Variants in NPAT observed in about 807,000 individuals in gnomAD.
NPAT encodes nuclear protein, coactivator of histone transcription, also known as protein NPAT.
In NPAT, 52 loss-of-function variants were observed where a neutral mutation model predicts 130.7. The ratio of observed to expected loss-of-function variants is 0.40; its 90% CI spans 0.32 to 0.50. NPAT has a LOEUF of 0.50. NPAT is among the 20% of genes least tolerant of loss of function. The pLI is 0.68. For missense variants in NPAT, 1,687 were observed against 1,662.6 expected (o/e 1.01, Z -0.26); for synonymous variants, 580 against 584.8 (o/e 0.99, Z 0.12).
intron 1 of NPAT, among the ~76,000 whole-genome samples, chr11:108,207,239 T>C (rs1167648569): frequency 1.3e-5 from 2 of 152,192 alleles, no homozygotes; most frequent in African/African-American, 4.8e-5. Context: ...TGGGAGTAAG[T>C]ATGTGCTGAT....
In NPAT at chr11:108,177,343, A is replaced by T. The variant is rs546176773; in HGVS notation, c.907-253T>A. 7.2e-5 allele frequency among the ~76,000 whole-genome samples: 11 copies of T among 151,876 alleles called. No homozygotes were observed. In the South Asian group the frequency reaches 2.3e-3, roughly 32 times the overall value. Reference sequence around the variant, plus strand: ...TATTTTATTATTATTATTATTTTTGATAGAGATGGGGTTGCTACCTTGCCC... The same window carrying T: ...TATTTTATTATTATTATTATTTTTGTTAGAGATGGGGTTGCTACCTTGCCC... On this transcript the variant is annotated intron_variant, in intron 10 of 17. Transcript: ENST00000278612.
intron 1 of NPAT, among the ~76,000 whole-genome samples, chr11:108,203,865 A>AT (rs1409151586): frequency 9.2e-5 from 14 of 152,204 alleles, no homozygotes; most frequent in African/African-American, 3.1e-4. Context: ...TTGGGACTAC[A>AT]TTTTTCCCTT....
chr11:108,219,754 A>T, intron 1 of NPAT, among the ~76,000 whole-genome samples: 1 of 152,172 alleles, frequency 6.6e-6, no homozygotes. Flanking sequence ...CAACAACAAC[A>T]ACAACAAACT....
intron 1 of NPAT, among the ~76,000 whole-genome samples, chr11:108,216,457 T>C (rs2078436518): frequency 6.6e-6 from 1 of 151,192 alleles, no homozygotes; most frequent in Non-Finnish European, 1.5e-5. Flanking sequence ...TATAAACATA[T>C]ACAATATATT....
chr11:108,209,298 A>AAAAT (rs1037260114), intron 1 of NPAT, among the ~76,000 whole-genome samples: 2 of 152,018 alleles, frequency 1.3e-5, no homozygotes, highest in African/African-American at 4.8e-5. Flanking sequence ...ATAACTAAAT[A>AAAAT]AAATAAATAA....
intron 17 of NPAT, 101 bp downstream of exon 17, chr11:108,160,779 A>G: frequency 9.6e-7 from 1 of 1,043,746 alleles, no homozygotes; most frequent in South Asian, 1.4e-5. Context: ...TGTCTTAGCC[A>G]TAACGTTCAG....
rs781364921 is a variant in NPAT, at chr11:108,161,041, C to G, written c.4045G>C (p.Ala1349Pro). 6.2e-7 allele frequency: 1 copy of G among 1,614,102 alleles called. No individual in the cohort carries two copies. The highest frequency in any genetic ancestry group is 8.5e-7 in the Non-Finnish European group (1 of 1,180,010). ...SRAAISRTTS[A>P]TPLKDNTQQF... ...TGTGTGTTATCTTTCAGAGGAGTTG[C>G]TGAAGTAGTCCTAGAAATGGCTGCC... Residue 1349 changes from alanine to proline, a missense_variant, in exon 17 of 18, where the codon GCA becomes CCA. Around this residue, in one of 3 missense-constraint regions of NPAT, gnomAD observed 1,379 missense variants for 1,346.6 expected, o/e 1.02. Coordinates refer to ENST00000278612, the MANE Select transcript of NPAT (RefSeq NM_002519.3).
chr11:108,204,468 T>C (rs997837612), intron 1 of NPAT, among the ~76,000 whole-genome samples: 3 of 152,168 alleles, frequency 2.0e-5, no homozygotes, highest in East Asian at 3.9e-4. Flanking sequence ...TGTTGCTCAA[T>C]AAAAATCCTT....
chr11:108,164,885 C>A (rs2077886667), intron 15 of NPAT, among the ~76,000 whole-genome samples: 1 of 152,122 alleles, frequency 6.6e-6, no homozygotes, highest in South Asian at 2.1e-4. Flanking sequence ...GTGATGCGTG[C>A]CTGTAGCCCC....
At chr11:108,208,510 C>T (rs955387241) in intron 1 of NPAT, 6 of 454,386 alleles carry the variant, frequency 1.3e-5, no homozygotes, top group African/African-American at 1.0e-4. Context: ...ATAGCTTGAG[C>T]CCAGGAGGTC....
intron 1 of NPAT, among the ~76,000 whole-genome samples, chr11:108,211,630 T>C (rs1430131551): frequency 1.3e-5 from 2 of 151,430 alleles, no homozygotes; most frequent in Non-Finnish European, 2.9e-5. Flanking sequence ...CATGACCAAG[T>C]GGGATTTAAT....
intron 10 of NPAT, among the ~76,000 whole-genome samples, chr11:108,180,978 A>G (rs11827088): frequency 0.025 from 3,777 of 152,308 alleles, 159 homozygotes; most frequent in African/African-American, 0.086. Flanking sequence ...TGAGGTATGT[A>G]AAGCAATCAA....
intron 4 of NPAT, among the ~76,000 whole-genome samples, chr11:108,191,544 ATT>A (rs2078169506): frequency 6.6e-6 from 1 of 152,230 alleles, no homozygotes; most frequent in South Asian, 2.1e-4. Context: ...ATTTGGAGCC[ATT>A]TTAGCAGGTT....
chr11:108,189,805 G>A (rs1056984810), intron 5 of NPAT, among the ~76,000 whole-genome samples: 4 of 149,214 alleles, frequency 2.7e-5, no homozygotes, highest in African/African-American at 7.4e-5. Context: ...GGGAGGCGGA[G>A]CTTGCAGTGA....
At chr11:108,201,449 A>G (rs1293138798) in intron 1 of NPAT, among the ~76,000 whole-genome samples, 2 of 152,258 alleles carry the variant, frequency 1.3e-5, no homozygotes, top group African/African-American at 4.8e-5. Flanking sequence ...TTGAGGCACC[A>G]GCCCTTAGTC....
chr11:108,161,712 G>A lies in NPAT; in HGVS notation c.3374C>T (p.Pro1125Leu). The A allele has an allele frequency of 6.2e-7, 1 of 1,613,776 alleles. No individual in the cohort carries two copies. Among genetic ancestry groups the A allele is most frequent in the Non-Finnish European group, 8.5e-7 (1 of 1,180,028 alleles). ...IKREKEKPPL[P>L]KILSKSESAI... is the part of the protein sequence containing the mutation. Reference sequence around the variant, plus strand: ...ACTTTCCGATTTAGATAAAATCTTAGGCAGAGGAGGCTTCTCTTTCTCTCT... The same window carrying A: ...ACTTTCCGATTTAGATAAAATCTTAAGCAGAGGAGGCTTCTCTTTCTCTCT... Residue 1125 changes from proline to leucine, a missense_variant, in exon 17 of 18, where the codon CCT (proline) becomes CTT (leucine). Physicochemically the swap from Pro to Leu is moderately conservative, Grantham distance 98. Coordinates refer to ENST00000278612, the MANE Select transcript of NPAT (RefSeq NM_002519.3).
At chr11:108,191,392 G>A (rs1013735733) in intron 4 of NPAT, among the ~76,000 whole-genome samples, 9 of 151,954 alleles carry the variant, frequency 5.9e-5, no homozygotes, top group Non-Finnish European at 1.2e-4. Flanking sequence ...CCCTTTATTC[G>A]ATAAAGTCAC....
rs771824845 is a variant in NPAT at position 108,173,410 on chromosome 11, A to G, written c.1574T>C (p.Ile525Thr). 12 of 1,614,192 alleles carry G rather than the reference A, an allele frequency of 7.4e-6. No individual in the cohort carries two copies. The highest frequency in any genetic ancestry group is 1.7e-5 in the Admixed American group (1 of 60,024). ...AAGTTGAGAACTCTTCCCAGAGAGAATTAAGTTTTCATTGTTAGCTTCACA... is the reference window on the plus strand; with the variant it reads ...AAGTTGAGAACTCTTCCCAGAGAGAGTTAAGTTTTCATTGTTAGCTTCACA... ...LGCEANNENLILSGKSSQLLS... is the reference protein window; with the variant it reads ...LGCEANNENLTLSGKSSQLLS... Residue 525 changes from isoleucine to threonine, a missense_variant, in exon 13 of 18, where the codon ATT becomes ACT. By Grantham distance (89) the Ile-to-Thr change is moderately conservative. This residue lies in a region of NPAT where 1,379 missense variants were observed against 1,346.6 expected (regional missense o/e 1.02). Coordinates refer to ENST00000278612, the MANE Select transcript of NPAT (RefSeq NM_002519.3).
chr11:108,185,180 T>C, intron 10 of NPAT, 52 bp downstream of exon 10: 1 of 1,207,144 alleles, frequency 8.3e-7, no homozygotes, highest in Non-Finnish European at 1.2e-6. Context: ...TTACCATCAA[T>C]CTTAAGTATA....
Sources: gnomAD v4.1 joint callset for allele counts (sites outside exome capture counted in the v4.1 genomes callset) on GRCh38, gnomAD v4.1.1 for gene constraint, gnomAD v4.1.1 regional missense constraint, MANE v1.5 for transcripts, NCBI Gene and HGNC (gene_info 2026-07-23, HGNC 2026-07-21) for gene names.